Variants in PDZD2 observed in about 807,000 individuals in gnomAD.
PDZD2 encodes PDZ domain containing 2.
In PDZD2, 90 loss-of-function variants were observed where a neutral mutation model predicts 220.7. The observed-to-expected ratio is 0.41, with a 90% confidence interval of 0.34 to 0.49. The LOEUF (loss-of-function observed/expected upper bound fraction) is 0.49. PDZD2 is among the 20% of genes least tolerant of loss of function. The pLI, the probability that PDZD2 is intolerant of heterozygous loss-of-function variation, is 0.28. For missense variants in PDZD2, 3,174 were observed against 3,608.5 expected (o/e 0.88, Z 3.08); for synonymous variants, 1,375 against 1,450.5 (o/e 0.95, Z 1.18).
At chr5:31,745,375 T>C (rs1015099564) in intron 1 of PDZD2, among the ~76,000 whole-genome samples, 4 of 152,202 alleles carry the variant, frequency 2.6e-5, no homozygotes, top group African/African-American at 4.8e-5. Context: ...TACATTGTTT[T>C]ATCCCCAGCA....
intron 14 of PDZD2, among the ~76,000 whole-genome samples, chr5:32,063,487 G>A (rs781608242): frequency 1.3e-5 from 2 of 152,328 alleles, no homozygotes; most frequent in East Asian, 3.9e-4. Flanking sequence ...CACCAAGGAG[G>A]CCCTGGGGGT....
chr5:32,061,004 G>T lies in PDZD2; in HGVS notation c.2321G>T (p.Arg774Leu). 2 of 1,614,096 alleles carry T rather than the reference G, an allele frequency of 1.2e-6. No homozygotes were observed. Among genetic ancestry groups the T allele is most frequent in the Non-Finnish European group, 1.7e-6 (2 of 1,179,984 alleles). Residue 774 changes from arginine (R) to leucine (L), a missense_variant and splice_region_variant, in exon 14 of 25, where the codon CGC (arginine) becomes CTC (leucine). Physicochemically the swap from Arg to Leu is moderately radical, Grantham distance 102. Around this residue, in one of 4 missense-constraint regions of PDZD2, gnomAD observed 1,861 missense variants for 2,001.0 expected, o/e 0.93. Transcript: ENST00000438447. ...GTGGATTCTGTTGCCCTCCCTAGCC[G>T]CGGGGATCAAATCCTGGAAGTGAAC... ...SVAKMESNLS[R>L]GDQILEVNSV...
rs997544719 is a variant in PDZD2, at chr5:32,010,323, C to T, written c.1255-7C>T. On this transcript the variant is annotated splice_polypyrimidine_tract_variant and splice_region_variant and intron_variant, in intron 5 of 24. Coordinates refer to ENST00000438447, the MANE Select transcript of PDZD2 (RefSeq NM_178140.4). ...TCATGGATGGGCCTTTAATTGTGTC[C>T]CCATAGGAAAACTCCGCAGAGGACC... The T allele has an allele frequency of 6.3e-7, 1 of 1,591,908 alleles. No individual in the cohort carries two copies. The highest frequency in any genetic ancestry group is 8.6e-7 in the Non-Finnish European group (1 of 1,164,590).
chr5:31,989,068 T>C (rs1750967874), intron 3 of PDZD2, among the ~76,000 whole-genome samples: 1 of 152,244 alleles, frequency 6.6e-6, no homozygotes, highest in Non-Finnish European at 1.5e-5. Context: ...ATGTTTTATA[T>C]ATTTGGGGGA....
At chr5:31,933,204 G>A (rs1745451417) in intron 2 of PDZD2, among the ~76,000 whole-genome samples, 3 of 152,118 alleles carry the variant, frequency 2.0e-5, no homozygotes, top group Non-Finnish European at 2.9e-5. Context: ...GAGCCACTGC[G>A]CCCGGCCAGC....
intron 2 of PDZD2, among the ~76,000 whole-genome samples, chr5:31,901,415 C>A (rs923698292): frequency 7.7e-4 from 105 of 136,356 alleles, no homozygotes; most frequent in African/African-American, 1.4e-3. Flanking sequence ...GAGACTGTCT[C>A]AAAAAAAAAA....
At chr5:31,942,000 C>G (rs1746253852) in intron 2 of PDZD2, among the ~76,000 whole-genome samples, 1 of 152,186 alleles carries the variant, frequency 6.6e-6, no homozygotes, top group Non-Finnish European at 1.5e-5. Flanking sequence ...CTGGGTCACT[C>G]TAAAACCTAA....
At chr5:31,907,369 C>T (rs975607047) in intron 2 of PDZD2, among the ~76,000 whole-genome samples, 1 of 152,196 alleles carries the variant, frequency 6.6e-6, no homozygotes, top group African/African-American at 2.4e-5. Flanking sequence ...GGGTACTAAT[C>T]CCTTCATGGG....
intron 1 of PDZD2, among the ~76,000 whole-genome samples, chr5:31,671,800 C>T (rs1042366154): frequency 6.6e-6 from 1 of 152,210 alleles, no homozygotes; most frequent in African/African-American, 2.4e-5. Flanking sequence ...GGGGCCCACC[C>T]CTGCAAAGGC....
intron 2 of PDZD2, among the ~76,000 whole-genome samples, chr5:31,971,577 ATAAT>A (rs1749301949): frequency 1.3e-5 from 2 of 152,232 alleles, no homozygotes; most frequent in Admixed American, 6.5e-5. Context: ...CTCTAGCTTC[ATAAT>A]TGATGATGAT....
In PDZD2 at chr5:31,905,534, C is replaced by G. The variant is rs943323556; in HGVS notation, c.477-77621C>G. 2.6e-5 allele frequency among the ~76,000 whole-genome samples: 4 copies of G among 152,358 alleles called. No individual in the cohort carries two copies. The East Asian group carries it at 5.8e-4, about 22-fold the overall frequency. On this transcript the variant is annotated intron_variant, in intron 2 of 24. Coordinates refer to ENST00000438447, the MANE Select transcript of PDZD2 (RefSeq NM_178140.4). ...CTCTGGGGTGGAGTTCAGTTTACCACTGGAAGATGTTCACATTTTCCAACC... is the reference window on the plus strand; with the variant it reads ...CTCTGGGGTGGAGTTCAGTTTACCAGTGGAAGATGTTCACATTTTCCAACC...
chr5:31,711,058 T>C (rs551692381), intron 1 of PDZD2, among the ~76,000 whole-genome samples: 68 of 152,340 alleles, frequency 4.5e-4, no homozygotes, highest in African/African-American at 1.6e-3. Flanking sequence ...TCTTCCCAGC[T>C]GCCGAGTCTC....
At chr5:31,745,072 CAAAA>C (rs1168359949) in intron 1 of PDZD2, among the ~76,000 whole-genome samples, 1 of 150,134 alleles carries the variant, frequency 6.7e-6, no homozygotes, top group African/African-American at 2.5e-5. Flanking sequence ...GACTCCGTCT[CAAAA>C]AAAATAAATA....
chr5:31,839,549 T>A (rs1757145720), intron 2 of PDZD2, among the ~76,000 whole-genome samples: 2 of 152,196 alleles, frequency 1.3e-5, no homozygotes, highest in South Asian at 4.1e-4. Context: ...ATATAATCTT[T>A]ATTTTCAAGA....
chr5:31,986,668 A>G lies in PDZD2; in HGVS notation c.978+3012A>G, dbSNP rs754437182. ...AAGCCTTTGCGGGGGGCGGGGGGGA[A>G]TTTCATTCCATTTGAATAATGGGAG... On this transcript the variant is annotated intron_variant, in intron 3 of 24. Coordinates refer to ENST00000438447, the MANE Select transcript of PDZD2 (RefSeq NM_178140.4). Among the ~76,000 whole-genome samples, 8 of 151,322 alleles carry G rather than the reference A, an allele frequency of 5.3e-5. No individual in the cohort carries two copies. The East Asian group carries it at 9.7e-4, about 18-fold the overall frequency.
intron 2 of PDZD2, among the ~76,000 whole-genome samples, chr5:31,812,523 TG>T (rs1429981081): frequency 6.6e-6 from 1 of 152,002 alleles, no homozygotes; most frequent in African/African-American, 2.4e-5. Context: ...ACTGCAGCCT[TG>T]AACTCCTGGG....
At chr5:31,954,542 G>A (rs1482016635) in intron 2 of PDZD2, among the ~76,000 whole-genome samples, 1 of 152,098 alleles carries the variant, frequency 6.6e-6, no homozygotes, top group Non-Finnish European at 1.5e-5. Flanking sequence ...GTGACTATTG[G>A]CTTTGGAAGA....
intron 6 of PDZD2, among the ~76,000 whole-genome samples, chr5:32,029,787 G>T (rs531922654): frequency 1.3e-5 from 2 of 152,220 alleles, no homozygotes; most frequent in South Asian, 4.1e-4. Context: ...GTCTCTGTTT[G>T]CACGCCATGC....
At chr5:31,667,342 G>A (rs1390272125) in intron 1 of PDZD2, among the ~76,000 whole-genome samples, 1 of 151,394 alleles carries the variant, frequency 6.6e-6, no homozygotes, top group Admixed American at 6.6e-5. Context: ...AAAACGCCTA[G>A]CCTACTCAGC....
Sources: gnomAD v4.1 joint callset for allele counts (sites outside exome capture counted in the v4.1 genomes callset) on GRCh38, gnomAD v4.1.1 for gene constraint, gnomAD v4.1.1 regional missense constraint, MANE v1.5 for transcripts, NCBI Gene and HGNC (gene_info 2026-07-23, HGNC 2026-07-21) for gene names.